Variants in ALMS1 observed in about 807,000 individuals in gnomAD.
ALMS1 encodes the protein centrosome-associated protein ALMS1.
ALMS1 carries 271 observed loss-of-function variants against 352.2 expected under a neutral mutation model. The ratio of observed to expected loss-of-function variants is 0.77; its 90% CI spans 0.70 to 0.85. The LOEUF (loss-of-function observed/expected upper bound fraction) is 0.85. Among genes scored for constraint, ALMS1 ranks in the 40% least tolerant of loss-of-function variants. The pLI is 0.00. For synonymous variants in ALMS1, 1,865 were observed against 1,761.2 expected, an observed-to-expected ratio of 1.06 and a Z score of -1.48; for missense variants, 5,445 against 4,870.7, an observed-to-expected ratio of 1.12 and a Z score of -3.51.
intron 1 of ALMS1, among the ~76,000 whole-genome samples, chr2:73,395,076 A>ATTTTTTTTTTTTTTTTTT (rs1343952124): frequency 9.2e-6 from 1 of 108,300 alleles, no homozygotes; most frequent in Non-Finnish European, 1.8e-5. Context: ...ATATATATAT[A>ATTTTTTTTTTTTTTTTTT]TATTTTTTTT....
At position 73,559,055 on chromosome 2, in the gene ALMS1, A is replaced by C. The variant is rs750493624; in HGVS notation, c.10297A>C (p.Thr3433Pro). 6.2e-7 allele frequency: 1 copy of C among 1,614,098 alleles called. No individual in the cohort carries two copies. The highest frequency in any genetic ancestry group is 1.3e-5 in the African/African-American group (1 of 75,042). Residue 3433 changes from threonine to proline, a missense_variant, in exon 15 of 23, where the codon ACA (threonine) becomes CCA (proline). Thr to Pro is a conservative substitution (Grantham distance 38). Transcript: ENST00000613296. ...GAACTTGCCAGACACTAAAGCCATT[A>C]CACAGAAAGAGGAGATCCATAGGAA... The part of the protein sequence containing the change: ...MKNLPDTKAI[T>P]QKEEIHRKKT...
rs59981832 is a variant in ALMS1, at chr2:73,518,087, GT to G, written c.9540-1674del. ...CAGGTACTAAGCGTGGTACCCAGTA[GT>G]TTTTTTTTTTTTTCTGTTTGTCTCC... On this transcript the variant is annotated intron_variant, in intron 10 of 22. Coordinates refer to ENST00000613296, the MANE Select transcript of ALMS1 (RefSeq NM_001378454.1). 1.5e-3 allele frequency among the ~76,000 whole-genome samples: 212 copies of G among 143,266 alleles called. 1 individual carries two copies. Among genetic ancestry groups the G allele is most frequent in the Middle Eastern group, 7.2e-3 (2 of 276 alleles). The allele number at this position is 143,266 out of a possible 152,430, so 94.0% of individuals were successfully genotyped here.
intron 10 of ALMS1, among the ~76,000 whole-genome samples, chr2:73,500,666 G>T (rs1318415814): frequency 6.6e-6 from 1 of 152,104 alleles, no homozygotes; most frequent in Middle Eastern, 3.2e-3. Flanking sequence ...GAACTAGAAG[G>T]CTTCGCTGTG....
chr2:73,386,344 C>T (rs908436800), intron 1 of ALMS1, 152 bp downstream of exon 1: 18 of 1,120,452 alleles, frequency 1.6e-5, no homozygotes, highest in Non-Finnish European at 2.0e-5. Context: ...GCCCAGGTGC[C>T]GGCCGGCTGC....
chr2:73,482,094 G>C (rs1672720019), intron 9 of ALMS1, among the ~76,000 whole-genome samples: 1 of 152,122 alleles, frequency 6.6e-6, no homozygotes, highest in Admixed American at 6.5e-5. Context: ...AATTGCCCTG[G>C]CCAGAACTTC....
chr2:73,541,502 A>G (rs1674179215), intron 12 of ALMS1, among the ~76,000 whole-genome samples: 1 of 152,246 alleles, frequency 6.6e-6, no homozygotes, highest in Non-Finnish European at 1.5e-5. Context: ...AGCTAGCAGA[A>G]GGCAAGAAAT....
rs762677602 is a variant in ALMS1, at chr2:73,452,697, T to C, written c.6170T>C (p.Leu2057Ser). 2.5e-6 allele frequency: 4 copies of C among 1,613,708 alleles called. No homozygotes were observed. The South Asian group carries it at 4.4e-5, about 18-fold the overall frequency. Residue 2057 changes from leucine (L) to serine (S), a missense_variant, in exon 8 of 23, where the codon TTA becomes TCA. Coordinates refer to ENST00000613296, the MANE Select transcript of ALMS1 (RefSeq NM_001378454.1). ...TCTCAAACAGTAAAGCCCAATATTTTATTTCAACAGCAGTTGCCAGATAGA... is the reference window on the plus strand; with the variant it reads ...TCTCAAACAGTAAAGCCCAATATTTCATTTCAACAGCAGTTGCCAGATAGA... ...SYSQTVKPNI[L>S]FQQQLPDRDQ...
chr2:73,486,540 C>G (rs966012320), intron 9 of ALMS1, among the ~76,000 whole-genome samples: 3 of 152,130 alleles, frequency 2.0e-5, no homozygotes, highest in Admixed American at 2.0e-4. Flanking sequence ...GGTTTTTTGT[C>G]TGTGTCCATT....
At chr2:73,564,068 A>G (rs1010130331) in intron 15 of ALMS1, among the ~76,000 whole-genome samples, 4 of 151,920 alleles carry the variant, frequency 2.6e-5, no homozygotes, top group South Asian at 2.1e-4. Context: ...GTGTGTGTGC[A>G]TGCATGCATA....
At chr2:73,439,891 T>C (rs867903333) in intron 7 of ALMS1, among the ~76,000 whole-genome samples, 1 of 152,160 alleles carries the variant, frequency 6.6e-6, no homozygotes, top group African/African-American at 2.4e-5. Flanking sequence ...TGCAATTTTA[T>C]TATTTATTTT....
In ALMS1 at chr2:73,520,002, C is replaced by G. The variant is rs200922218; in HGVS notation, c.9767C>G (p.Ser3256Cys). The change falls in exon 11 of 23, where the codon TCT becomes TGT. Residue 3256 changes from serine (S) to cysteine (C), a missense_variant. By Grantham distance (112) the Ser-to-Cys change is moderately radical. Transcript: ENST00000613296. ...TCTTCAGTCCAACAGGTTACTTTTT[C>G]TCGCGGCACAGATGGTAAGAGAATG... ...SSSSVQQVTF[S>C]RGTDGQPLLL... 2.6e-4 allele frequency: 422 copies of G among 1,614,110 alleles called. 7 individuals carry two copies. The South Asian group carries it at 4.5e-3, about 17-fold the overall frequency.
intron 9 of ALMS1, among the ~76,000 whole-genome samples, chr2:73,477,330 T>A (rs1672603840): frequency 6.6e-6 from 1 of 152,166 alleles, no homozygotes; most frequent in Non-Finnish European, 1.5e-5. Context: ...GTCGGTTCTA[T>A]GCCATTGATC....
chr2:73,499,289 A>G (rs1389182384), intron 10 of ALMS1, among the ~76,000 whole-genome samples: 1 of 152,084 alleles, frequency 6.6e-6, no homozygotes, highest in Non-Finnish European at 1.5e-5. Flanking sequence ...ATTCTCTTCC[A>G]TTCTGTAGGT....
At chr2:73,417,176 A>T (rs1437926211) in intron 2 of ALMS1, among the ~76,000 whole-genome samples, 1 of 152,198 alleles carries the variant, frequency 6.6e-6, no homozygotes, top group African/African-American at 2.4e-5. Flanking sequence ...CAGTTGTTAA[A>T]TTCAAGAAAT....
intron 11 of ALMS1, among the ~76,000 whole-genome samples, chr2:73,523,327 G>A (rs1225986599): frequency 6.6e-6 from 1 of 152,080 alleles, no homozygotes; most frequent in Non-Finnish European, 1.5e-5. Context: ...ATCCCTTTAG[G>A]CATCAACCTT....
intron 7 of ALMS1, among the ~76,000 whole-genome samples, chr2:73,436,077 A>G (rs6715316): frequency 0.94 from 143,323 of 152,302 alleles, 67,466 homozygotes; most frequent in East Asian, 1. Flanking sequence ...TTCTTGTAAG[A>G]TGGATCTGCA....
At chr2:73,435,993 A>G (rs1671597939) in intron 7 of ALMS1, among the ~76,000 whole-genome samples, 1 of 152,074 alleles carries the variant, frequency 6.6e-6, no homozygotes, top group Non-Finnish European at 1.5e-5. Flanking sequence ...TACTAGCACT[A>G]TTTGTTTTGT....
intron 10 of ALMS1, among the ~76,000 whole-genome samples, chr2:73,507,011 C>A (rs1673341757): frequency 6.6e-6 from 1 of 152,040 alleles, no homozygotes; most frequent in Non-Finnish European, 1.5e-5. Context: ...TTATCGAAGG[C>A]CTTTTCTGCA....
At chr2:73,505,656 CTG>C (rs1355660680) in intron 10 of ALMS1, among the ~76,000 whole-genome samples, 307 of 152,088 alleles carry the variant, frequency 2.0e-3, no homozygotes, top group Middle Eastern at 0.01. Flanking sequence ...TTTGCATTTG[CTG>C]AGGAGTGTTT....
Sources: allele counts gnomAD v4.1 joint callset (sites outside exome capture counted in the v4.1 genomes callset), GRCh38; gene constraint gnomAD v4.1.1; transcripts MANE v1.5; gene names NCBI Gene and HGNC (gene_info 2026-07-23, HGNC 2026-07-21).